Variants in TECRL observed in about 807,000 individuals in gnomAD.
The protein encoded by TECRL is trans-2,3-enoyl-CoA reductase-like.
TECRL carries 63 observed loss-of-function variants against 52.8 expected under a neutral mutation model. That is an observed-to-expected ratio of 1.19 (90% confidence interval 0.97 to 1.47). The LOEUF (loss-of-function observed/expected upper bound fraction) is 1.47, where lower values mean the gene tolerates loss of function less well. TECRL is among the 40% of genes most tolerant of loss of function. The pLI, the probability that TECRL is intolerant of heterozygous loss-of-function variation, is 0.00. For synonymous variants in TECRL, 164 were observed against 141.9 expected (o/e 1.16, Z -1.10); for missense variants, 482 against 429.6 (o/e 1.12, Z -1.08).
At chr4:64,285,708 T>C (rs1252701696) in intron 9 of TECRL, among the ~76,000 whole-genome samples, 1 of 152,030 alleles carries the variant, frequency 6.6e-6, no homozygotes, top group African/African-American at 2.4e-5. Context: ...ACTTTATAGA[T>C]CAGAACCCTG....
chr4:64,370,663 T>C (rs755588443), intron 2 of TECRL, among the ~76,000 whole-genome samples: 29 of 151,842 alleles, frequency 1.9e-4, no homozygotes, highest in Admixed American at 2.6e-4. Context: ...CTCTATTTAA[T>C]CTTTAGTTAT....
chr4:64,316,748 A>G (rs1717521654), intron 4 of TECRL, among the ~76,000 whole-genome samples: 1 of 152,200 alleles, frequency 6.6e-6, no homozygotes, highest in Non-Finnish European at 1.5e-5. Flanking sequence ...ACTGAAGACT[A>G]TATTCTAAAG....
chr4:64,338,714 A>G (rs1190777662), intron 2 of TECRL, among the ~76,000 whole-genome samples: 1 of 152,230 alleles, frequency 6.6e-6, no homozygotes, highest in Non-Finnish European at 1.5e-5. Context: ...AGAGAAATGC[A>G]AATCAAAACC....
At chr4:64,387,370 A>C (rs2109733756) in intron 1 of TECRL, among the ~76,000 whole-genome samples, 1 of 152,260 alleles carries the variant, frequency 6.6e-6, no homozygotes, top group African/African-American at 2.4e-5. Flanking sequence ...TGCCATAAAC[A>C]TCTTTATGCA....
chr4:64,363,841 G>A (rs192485381), intron 2 of TECRL, among the ~76,000 whole-genome samples: 5 of 152,220 alleles, frequency 3.3e-5, no homozygotes, highest in African/African-American at 4.8e-5. Context: ...GCTTCTAAGA[G>A]AAGTTACTGT....
At chr4:64,390,073 T>C (rs1004624298) in intron 1 of TECRL, among the ~76,000 whole-genome samples, 4 of 151,868 alleles carry the variant, frequency 2.6e-5, no homozygotes, top group African/African-American at 7.2e-5. Flanking sequence ...TCTTACTGTT[T>C]TAGTTTTGTC....
chr4:64,309,144 T>C (rs1232660885), intron 6 of TECRL, among the ~76,000 whole-genome samples: 2 of 152,232 alleles, frequency 1.3e-5, no homozygotes, highest in East Asian at 3.9e-4. Flanking sequence ...GAATTTCAGT[T>C]TACTGCTTTA....
At chr4:64,397,354 A>G (rs1235288577) in intron 1 of TECRL, among the ~76,000 whole-genome samples, 1 of 151,928 alleles carries the variant, frequency 6.6e-6, no homozygotes, top group Admixed American at 6.6e-5. Context: ...GTACCTTTGA[A>G]AGGAACTACA....
intron 9 of TECRL, among the ~76,000 whole-genome samples, chr4:64,284,525 A>C (rs1424955279): frequency 6.6e-6 from 1 of 152,080 alleles, no homozygotes; most frequent in Non-Finnish European, 1.5e-5. Context: ...TTGCTGTATC[A>C]GGCTTACTGT....
chr4:64,337,214 C>A (rs560455407), intron 2 of TECRL, among the ~76,000 whole-genome samples: 1 of 152,176 alleles, frequency 6.6e-6, no homozygotes, highest in Admixed American at 6.5e-5. Flanking sequence ...AGGCCTTTGA[C>A]AAAATTCAGC....
chr4:64,317,659 T>C (rs1427002743), intron 4 of TECRL, among the ~76,000 whole-genome samples: 5 of 152,222 alleles, frequency 3.3e-5, no homozygotes, highest in African/African-American at 9.6e-5. Flanking sequence ...ATAAAGATTG[T>C]GGTTTTTTTG....
At chr4:64,290,569 C>T (rs10015707) in intron 8 of TECRL, among the ~76,000 whole-genome samples, 101,018 of 151,956 alleles carry the variant, frequency 0.66, 34,917 homozygotes, top group Non-Finnish European at 0.76. Context: ...AAACTCAGTG[C>T]CTTTAATGTT....
chr4:64,365,643 A>G (rs762526537), intron 2 of TECRL, among the ~76,000 whole-genome samples: 24 of 152,144 alleles, frequency 1.6e-4, no homozygotes, highest in Non-Finnish European at 2.8e-4. Context: ...AGCAACAAAA[A>G]TATAAATACC....
intron 2 of TECRL, among the ~76,000 whole-genome samples, chr4:64,331,901 G>A (rs1718665611): frequency 6.6e-6 from 1 of 151,918 alleles, no homozygotes; most frequent in Non-Finnish European, 1.5e-5. Flanking sequence ...ATGTTCACAG[G>A]CATCCACAAT....
At chr4:64,388,646 T>C (rs1342743302) in intron 1 of TECRL, among the ~76,000 whole-genome samples, 1 of 151,966 alleles carries the variant, frequency 6.6e-6, no homozygotes, top group Non-Finnish European at 1.5e-5. Context: ...TGAATCTTCC[T>C]ATCCACTAAC....
At chr4:64,311,098 T>C (rs1411401142) in intron 5 of TECRL, among the ~76,000 whole-genome samples, 2 of 152,176 alleles carry the variant, frequency 1.3e-5, no homozygotes, top group African/African-American at 4.8e-5. Flanking sequence ...AAATTAGACA[T>C]TGAGTTTATT....
intron 7 of TECRL, among the ~76,000 whole-genome samples, chr4:64,302,152 AT>A (rs1218963540): frequency 6.6e-6 from 1 of 151,382 alleles, no homozygotes; most frequent in Non-Finnish European, 1.5e-5. Context: ...ATTTAGTTGT[AT>A]TTAACTATTA....
At chr4:64,403,873 CA>C (rs67265016) in intron 1 of TECRL, among the ~76,000 whole-genome samples, 95,240 of 146,880 alleles carry the variant, frequency 0.65, 33,341 homozygotes, top group Non-Finnish European at 0.8. Context: ...AAAAGAAAGA[CA>C]AAAAAAAAAA....
At chr4:64,380,674 T>C (rs949654754) in intron 1 of TECRL, among the ~76,000 whole-genome samples, 5 of 152,112 alleles carry the variant, frequency 3.3e-5, no homozygotes, top group Admixed American at 1.3e-4. Context: ...TTCTTCAATG[T>C]ATATTGTTGG....
Sources: gnomAD v4.1 joint callset for allele counts (sites outside exome capture counted in the v4.1 genomes callset) on GRCh38, gnomAD v4.1.1 for gene constraint, MANE v1.5 for transcripts, NCBI Gene and HGNC (gene_info 2026-07-23, HGNC 2026-07-21) for gene names.